Variants in ABCD2 observed in about 807,000 individuals in gnomAD.
The protein encoded by ABCD2 is ATP-binding cassette sub-family D member 2.
In ABCD2, 36 loss-of-function variants were observed where a neutral mutation model predicts 70.9. The ratio of observed to expected loss-of-function variants is 0.51; its 90% CI spans 0.39 to 0.67. The LOEUF (loss-of-function observed/expected upper bound fraction) is 0.67, where lower values mean the gene tolerates loss of function less well. Ranked by LOEUF, ABCD2 falls within the 30% of genes least tolerant of loss-of-function variation. The pLI is 0.00. For synonymous variants in ABCD2, 304 were observed against 306.9 expected (o/e 0.99, Z 0.10); for missense variants, 729 against 890.2 (o/e 0.82, Z 2.30).
At chr12:39,590,024 CG>C (rs1941724239) in intron 6 of ABCD2, among the ~76,000 whole-genome samples, 1 of 152,036 alleles carries the variant, frequency 6.6e-6, no homozygotes, top group East Asian at 1.9e-4. Context: ...CAAGAAAATT[CG>C]GGATGACATT....
chr12:39,563,067 AT>A (rs1941284537), intron 9 of ABCD2, among the ~76,000 whole-genome samples: 1 of 152,188 alleles, frequency 6.6e-6, no homozygotes, highest in South Asian at 2.1e-4. Context: ...AAAAAATATG[AT>A]TATCTTAATT....
intron 9 of ABCD2, among the ~76,000 whole-genome samples, chr12:39,556,334 C>G (rs745849952): frequency 6.2e-4 from 95 of 152,268 alleles, no homozygotes; most frequent in Middle Eastern, 3.4e-3. Context: ...ATTGTAATCC[C>G]CATAAGCCCC....
rs891516429 is a variant in ABCD2 at position 39,603,805 on chromosome 12, C to A, written c.1500+107G>T. ...CACTGTGCATACCTTTCTTGATTTC[C>A]CCTTTCCAAATGCTCCTCCAAGTAT... On this transcript the variant is annotated intron_variant, in intron 5 of 9. Transcript: ENST00000308666. 5.1e-6 allele frequency: 4 copies of A among 780,718 alleles called. No homozygotes were observed. In the African/African-American group the frequency reaches 7.0e-5, roughly 14 times the overall value. The allele number at this position is 780,718 out of a possible 1,614,324, so 48.4% of individuals were successfully genotyped here.
At chr12:39,617,308 G>A (rs1467952395) in intron 1 of ABCD2, 140 bp from the exon 2 acceptor site, 2 of 489,296 alleles carry the variant, frequency 4.1e-6, no homozygotes, top group African/African-American at 4.0e-5. Flanking sequence ...TTTAGTTTTG[G>A]TCACATGTGT....
the ABCD2 span, among the ~76,000 whole-genome samples, chr12:39,533,934 G>T: frequency 1.4e-4 from 21 of 152,174 alleles, no homozygotes; most frequent in African/African-American, 5.1e-4. Flanking sequence ...CGTATGATAG[G>T]AATGAATCTC....
intron 9 of ABCD2, among the ~76,000 whole-genome samples, chr12:39,559,842 C>T (rs1941227937): frequency 6.6e-6 from 1 of 152,114 alleles, no homozygotes; most frequent in Non-Finnish European, 1.5e-5. Flanking sequence ...GGCTTTATCA[C>T]CACCAGATAT....
chr12:39,583,604 T>G (rs1045497434), intron 7 of ABCD2, among the ~76,000 whole-genome samples: 1 of 152,208 alleles, frequency 6.6e-6, no homozygotes, highest in Admixed American at 6.5e-5. Context: ...GTTGTACATA[T>G]TATTTCATCA....
intron 2 of ABCD2, among the ~76,000 whole-genome samples, chr12:39,614,987 G>A (rs548523861): frequency 1.3e-5 from 2 of 151,760 alleles, no homozygotes; most frequent in South Asian, 2.1e-4. Context: ...GCCTCAATGT[G>A]GTTATTATAT....
In ABCD2 at chr12:39,573,742, C is replaced by G. The variant is rs1304923438; in HGVS notation, c.1977G>C (p.Leu659=). The change falls in exon 9 of 10, where the codon CTG becomes CTC. Residue 659 remains leucine, a synonymous_variant. Coordinates refer to ENST00000308666, the MANE Select transcript of ABCD2 (RefSeq NM_005164.4). ...AAAGAGAAGGTCTGTGTGTTATAGA[C>G]AGTAAGGAAATTCCAGCCCCTTTTG... is the stretch of plus-strand genomic sequence containing the variant. ...QAAKGAGISL[L]SITHRPSLWK... 6.2e-7 allele frequency: 1 copy of G among 1,613,326 alleles called. No individual in the cohort carries two copies. The highest frequency in any genetic ancestry group is 1.7e-5 in the Admixed American group (1 of 60,014).
chr12:39,564,048 T>A (rs1241202673), intron 9 of ABCD2, among the ~76,000 whole-genome samples: 1 of 152,270 alleles, frequency 6.6e-6, no homozygotes, highest in Non-Finnish European at 1.5e-5. Context: ...TTGGCTTGAT[T>A]ACAAGTCTTT....
chr12:39,604,707 T>C, intron 4 of ABCD2, 55 bp downstream of exon 4: 1 of 1,390,482 alleles, frequency 7.2e-7, no homozygotes, highest in South Asian at 1.6e-5. Context: ...TAAACTTTGG[T>C]TCTGTTGATA....
At chr12:39,582,041 A>C (rs1457066816) in intron 7 of ABCD2, among the ~76,000 whole-genome samples, 1 of 152,238 alleles carries the variant, frequency 6.6e-6, no homozygotes, top group Non-Finnish European at 1.5e-5. Context: ...AGCTAGTCTA[A>C]ACAGAACTTC....
intron 9 of ABCD2, among the ~76,000 whole-genome samples, chr12:39,558,637 T>A (rs905744510): frequency 6.6e-6 from 1 of 152,174 alleles, no homozygotes; most frequent in Admixed American, 6.5e-5. Context: ...TCATTCTCCT[T>A]CCTGCCACCT....
chr12:39,619,129 C>A lies in ABCD2; in HGVS notation c.487G>T (p.Ala163Ser). The change falls in exon 1 of 10, where the codon GCA (alanine) becomes TCA (serine). Residue 163 changes from alanine (A) to serine (S), a missense_variant. By Grantham distance (99) the Ala-to-Ser change is moderately conservative. This residue lies in a region of ABCD2 where 245 missense variants were observed against 261.2 expected (regional missense o/e 0.94). Transcript: ENST00000308666. ...AATTTGCATTCCAGGTACCTTATTG[C>A]ACTGTTGACGAAGGTAGCAGGGATG... ...IAIPATFVNS[A>S]IRYLECKLAL... The A allele has an allele frequency of 1.9e-6, 3 of 1,614,186 alleles. No individual in the cohort carries two copies. The highest frequency in any genetic ancestry group is 2.5e-6 in the Non-Finnish European group (3 of 1,180,036).
Position 39,619,752 on chromosome 12 carries a change from T to G in ABCD2, c.-137A>C. On this transcript the variant is annotated 5_prime_UTR_variant, in exon 1 of 10. An upstream open reading frame in the 5' UTR loses its in-frame stop. Transcript: ENST00000308666. ...CGTTTCTCTTCCACTGTTGTGTTTT[T>G]AATTTTGTTCTGCTGTGACAGATGC... 1 of 768,556 alleles carries G rather than the reference T, an allele frequency of 1.3e-6. No individual in the cohort carries two copies. The highest frequency in any genetic ancestry group is 1.8e-5 in the African/African-American group (1 of 56,958). The allele number at this position is 768,556 out of a possible 1,614,324, so 47.6% of individuals were successfully genotyped here. A position where few individuals can be genotyped will look rare whatever the true frequency, so the allele number is the denominator to read the frequency against.
At chr12:39,609,333 T>C (rs1566586071) in intron 2 of ABCD2, among the ~76,000 whole-genome samples, 1 of 152,192 alleles carries the variant, frequency 6.6e-6, no homozygotes, top group Non-Finnish European at 1.5e-5. Context: ...CCACATCTAT[T>C]TTCTCACCTG....
the ABCD2 span, among the ~76,000 whole-genome samples, chr12:39,533,080 G>A: frequency 0.022 from 3,388 of 151,992 alleles, 74 homozygotes; most frequent in Non-Finnish European, 0.031. Context: ...CAGGAGAATC[G>A]CTTGAACCTG....
Position 39,596,876 on chromosome 12 carries a change from G to A in ABCD2, c.1646+3695C>T, listed in dbSNP as rs1010315779. ...GATGCCTTTATATAAAATGGCCACA[G>A]TATTTGCATATCACCAACACACATC... On this transcript the variant is annotated intron_variant, in intron 6 of 9. Coordinates refer to ENST00000308666, the MANE Select transcript of ABCD2 (RefSeq NM_005164.4). Among the ~76,000 whole-genome samples, 4 of 152,216 alleles carry A rather than the reference G, an allele frequency of 2.6e-5. No individual in the cohort carries two copies. The East Asian group carries it at 7.7e-4, about 29-fold the overall frequency.
rs902520628 is a variant in ABCD2 at position 39,551,850 on chromosome 12, T to C, written c.*2062A>G. 1 of 151,854 alleles carries C rather than the reference T, an allele frequency of 6.6e-6. No homozygotes were observed. The highest frequency in any genetic ancestry group is 2.4e-5 in the African/African-American group (1 of 41,444). The allele number at this position is 151,854 out of a possible 1,614,324, so 9.4% of individuals were successfully genotyped here. A position where few individuals can be genotyped will look rare whatever the true frequency, so the allele number is the denominator to read the frequency against. ...TTGTTTTAAAATTATGTTTTATTTT[T>C]ATATTATGAAAATTAAGGCATGAAA... is the stretch of plus-strand genomic sequence containing the variant. On this transcript the variant is annotated 3_prime_UTR_variant, in exon 10 of 10. Transcript: ENST00000308666.
Sources: allele counts gnomAD v4.1 joint callset (sites outside exome capture counted in the v4.1 genomes callset), GRCh38; gene constraint gnomAD v4.1.1; regional missense constraint gnomAD v4.1.1; transcripts MANE v1.5; gene names NCBI Gene and HGNC (gene_info 2026-07-23, HGNC 2026-07-21).